Variants in FBXO4 observed in about 807,000 individuals in gnomAD.
FBXO4 encodes the protein F-box only protein 4.
Under a neutral mutation model 43.7 loss-of-function variants are expected in FBXO4, and 36 were observed. That is an observed-to-expected ratio of 0.82 (90% CI 0.63 to 1.09). FBXO4 has a LOEUF of 1.09. Ranked by LOEUF, FBXO4 falls within the 50% of genes least tolerant of loss-of-function variation. The pLI, the probability that FBXO4 is intolerant of heterozygous loss-of-function variation, is 0.00. For missense variants in FBXO4, 435 were observed against 474.1 expected, an observed-to-expected ratio of 0.92 and a Z score of 0.77; for synonymous variants, 180 against 165.6, an observed-to-expected ratio of 1.09 and a Z score of -0.67.
At chr5:42,014,297 T>A in the FBXO4 span, among the ~76,000 whole-genome samples, 8 of 152,182 alleles carry the variant, frequency 5.3e-5, no homozygotes, top group Non-Finnish European at 1.0e-4. Context: ...TACTTTTGTG[T>A]GAATATTAAC....
chr5:42,034,925 A>C, the FBXO4 span, among the ~76,000 whole-genome samples: 1 of 152,144 alleles, frequency 6.6e-6, no homozygotes, highest in Non-Finnish European at 1.5e-5. Context: ...TTTAATGGGA[A>C]TAGCATGGAA....
At chr5:42,039,709 C>T in the FBXO4 span, among the ~76,000 whole-genome samples, 4 of 152,010 alleles carry the variant, frequency 2.6e-5, no homozygotes, top group East Asian at 1.9e-4. Flanking sequence ...ATAGTACTTC[C>T]GTGATAATGT....
chr5:42,011,823 A>G, the FBXO4 span, among the ~76,000 whole-genome samples: 3 of 152,292 alleles, frequency 2.0e-5, no homozygotes, highest in African/African-American at 4.8e-5. Context: ...AAATTTGCCA[A>G]TGGCTTCTAT....
chr5:42,038,856 C>T, the FBXO4 span, among the ~76,000 whole-genome samples: 1 of 152,068 alleles, frequency 6.6e-6, no homozygotes, highest in Non-Finnish European at 1.5e-5. Context: ...TAAGTGAGAA[C>T]ATGCAATATT....
the FBXO4 span, among the ~76,000 whole-genome samples, chr5:41,955,160 A>C: frequency 6.6e-6 from 1 of 152,160 alleles, no homozygotes; most frequent in Non-Finnish European, 1.5e-5. Context: ...ACACATCTCT[A>C]AGCTTCTGCT....
chr5:41,930,448 G>C (rs116427483), intron 3 of FBXO4, among the ~76,000 whole-genome samples: 1,850 of 152,298 alleles, frequency 0.012, 41 homozygotes, highest in African/African-American at 0.043. Flanking sequence ...CAATGTCTCT[G>C]TTTGCCTTCA....
chr5:41,980,555 A>T, the FBXO4 span, among the ~76,000 whole-genome samples: 1 of 152,148 alleles, frequency 6.6e-6, no homozygotes, highest in South Asian at 2.1e-4. Flanking sequence ...GTTGTAAATT[A>T]TTTAAACTTT....
chr5:41,934,418 C>G, intron 5 of FBXO4, 110 bp downstream of exon 5: 2 of 1,534,356 alleles, frequency 1.3e-6, no homozygotes, highest in Non-Finnish European at 8.7e-7. Context: ...CTTATTTTAT[C>G]AATGTGATTT....
the FBXO4 span, among the ~76,000 whole-genome samples, chr5:42,001,667 AC>A: frequency 1.8e-3 from 272 of 152,042 alleles, 1 homozygote; most frequent in Non-Finnish European, 2.9e-3. Context: ...TGGGATTGTT[AC>A]CTTACTTTTT....
chr5:42,025,621 G>A, the FBXO4 span, among the ~76,000 whole-genome samples: 23 of 151,826 alleles, frequency 1.5e-4, no homozygotes, highest in East Asian at 3.7e-3. Flanking sequence ...TTTCCCAGAC[G>A]AATGTCCTGG....
chr5:41,934,902 A>G, intron 5 of FBXO4: 1 of 984,310 alleles, frequency 1.0e-6, no homozygotes, highest in Non-Finnish European at 1.2e-6. Flanking sequence ...ATCTTTCCCA[A>G]ATCCTTTGTG....
chr5:42,021,629 T>A, the FBXO4 span, among the ~76,000 whole-genome samples: 4 of 152,160 alleles, frequency 2.6e-5, no homozygotes, highest in Non-Finnish European at 5.9e-5. Context: ...TTCCAATCTA[T>A]AGGTTAAACA....
the FBXO4 span, among the ~76,000 whole-genome samples, chr5:42,002,498 G>A: frequency 6.6e-6 from 1 of 152,158 alleles, no homozygotes; most frequent in Non-Finnish European, 1.5e-5. Flanking sequence ...TTCCTTTTAT[G>A]ATTGCCCAAC....
the FBXO4 span, among the ~76,000 whole-genome samples, chr5:42,026,448 C>A: frequency 2.6e-5 from 4 of 151,900 alleles, no homozygotes; most frequent in African/African-American, 9.6e-5. Context: ...TTTACCAGTT[C>A]TAGGTTTGTT....
the FBXO4 span, among the ~76,000 whole-genome samples, chr5:42,017,716 A>C: frequency 6.6e-6 from 1 of 151,750 alleles, no homozygotes; most frequent in African/African-American, 2.4e-5. Flanking sequence ...TCCTGCATCA[A>C]TTCACTTAGG....
chr5:42,010,382 C>T, the FBXO4 span, among the ~76,000 whole-genome samples: 1 of 152,020 alleles, frequency 6.6e-6, no homozygotes, highest in East Asian at 1.9e-4. Context: ...GTAGCACGTG[C>T]CTGTAATCCT....
the FBXO4 span, among the ~76,000 whole-genome samples, chr5:41,998,640 T>C: frequency 2.0e-4 from 30 of 152,296 alleles, 1 homozygote; most frequent in African/African-American, 7.2e-4. Context: ...TCCAACAATA[T>C]GTTCCTCCAC....
the FBXO4 span, among the ~76,000 whole-genome samples, chr5:41,978,802 G>A: frequency 6.6e-6 from 1 of 151,154 alleles, no homozygotes. Flanking sequence ...TAAATTTGTG[G>A]ACTTTGACCA....
At chr5:41,963,487 C>T in the FBXO4 span, among the ~76,000 whole-genome samples, 1 of 152,102 alleles carries the variant, frequency 6.6e-6, no homozygotes. Flanking sequence ...AAACATCTTT[C>T]CCAAAACTTA....
Sources: gnomAD v4.1 joint callset for allele counts (sites outside exome capture counted in the v4.1 genomes callset) on GRCh38, gnomAD v4.1.1 for gene constraint, MANE v1.5 for transcripts, NCBI Gene and HGNC (gene_info 2026-07-23, HGNC 2026-07-21) for gene names.